Variants in EML4 observed in about 807,000 individuals in gnomAD.
EML4 encodes echinoderm microtubule-associated protein-like 4.
In EML4, 72 loss-of-function variants were observed where a neutral mutation model predicts 129.0. The ratio of observed to expected loss-of-function variants is 0.56; its 90% CI spans 0.46 to 0.68. The LOEUF is 0.68. EML4 is among the 30% of genes least tolerant of loss of function. EML4 has a pLI of 0.00. For synonymous variants in EML4, 532 were observed against 405.0 expected (o/e 1.31, Z -3.77); for missense variants, 1,363 against 1,190.6 (o/e 1.14, Z -2.13).
At chr2:42,184,895 T>A (rs1051433386) in intron 1 of EML4, among the ~76,000 whole-genome samples, 1 of 152,228 alleles carries the variant, frequency 6.6e-6, no homozygotes, top group Non-Finnish European at 1.5e-5. Flanking sequence ...CTAGGTTGAA[T>A]GTATTGCCTT....
chr2:42,173,184 C>G (rs1320293133), intron 1 of EML4, among the ~76,000 whole-genome samples: 1 of 152,194 alleles, frequency 6.6e-6, no homozygotes, highest in Non-Finnish European at 1.5e-5. Flanking sequence ...ACTGTGATTT[C>G]TCATCACAGA....
chr2:42,239,929 A>T (rs1674912214), intron 1 of EML4, among the ~76,000 whole-genome samples: 1 of 152,156 alleles, frequency 6.6e-6, no homozygotes, highest in Middle Eastern at 3.2e-3. Context: ...GAAAAAAAAT[A>T]AGAGCAAAGT....
chr2:42,309,514 C>T (rs1445078488), intron 17 of EML4, among the ~76,000 whole-genome samples: 1 of 151,568 alleles, frequency 6.6e-6, no homozygotes, highest in Non-Finnish European at 1.5e-5. Flanking sequence ...ATGATTCTAC[C>T]AGCAATGTAT....
intron 6 of EML4, among the ~76,000 whole-genome samples, chr2:42,270,046 G>T (rs1417429336): frequency 6.6e-6 from 1 of 152,164 alleles, no homozygotes; most frequent in Non-Finnish European, 1.5e-5. Flanking sequence ...TAAAGGAAAT[G>T]ATTTTAGAAA....
chr2:42,235,125 G>T (rs1232440852), intron 1 of EML4, among the ~76,000 whole-genome samples: 1 of 152,074 alleles, frequency 6.6e-6, no homozygotes, highest in Non-Finnish European at 1.5e-5. Flanking sequence ...GTGAGATCCC[G>T]TCTCTATTAA....
At chr2:42,175,295 A>G (rs1410812677) in intron 1 of EML4, among the ~76,000 whole-genome samples, 3 of 151,090 alleles carry the variant, frequency 2.0e-5, no homozygotes, top group African/African-American at 7.3e-5. Flanking sequence ...TTGTATTTTT[A>G]GTAGAGATGG....
intron 8 of EML4, among the ~76,000 whole-genome samples, chr2:42,284,340 G>A (rs1450190997): frequency 6.6e-6 from 1 of 152,172 alleles, no homozygotes; most frequent in African/African-American, 2.4e-5. Context: ...ATGCCATTGT[G>A]CGTGGACTAG....
intron 19 of EML4, among the ~76,000 whole-genome samples, chr2:42,321,151 A>G (rs1242843139): frequency 2.0e-5 from 2 of 102,542 alleles, no homozygotes; most frequent in African/African-American, 7.6e-5. Context: ...TGGGAGGCCA[A>G]GGCGGGCGGA....
intron 1 of EML4, among the ~76,000 whole-genome samples, chr2:42,227,877 G>T (rs1277387401): frequency 6.6e-6 from 1 of 151,996 alleles, no homozygotes; most frequent in East Asian, 1.9e-4. Flanking sequence ...TATCAGTAAG[G>T]CTTCCGGTCA....
intron 1 of EML4, among the ~76,000 whole-genome samples, chr2:42,195,583 A>T (rs1032553241): frequency 6.6e-6 from 1 of 152,220 alleles, no homozygotes; most frequent in Non-Finnish European, 1.5e-5. Flanking sequence ...GCCAATATAT[A>T]GACCATTCCA....
chr2:42,248,974 T>G (rs1675593521), intron 2 of EML4, among the ~76,000 whole-genome samples: 2 of 152,314 alleles, frequency 1.3e-5, no homozygotes, highest in South Asian at 4.1e-4. Flanking sequence ...TATGTAAAGT[T>G]TCATAATGTT....
chr2:42,283,772 G>C (rs755163009), intron 8 of EML4, among the ~76,000 whole-genome samples: 3 of 152,200 alleles, frequency 2.0e-5, no homozygotes, highest in Admixed American at 1.3e-4. Flanking sequence ...TTGTGATGAA[G>C]ATTAGAAACA....
intron 11 of EML4, chr2:42,288,656 C>G (rs910705429): frequency 6.4e-5 from 10 of 157,424 alleles, no homozygotes; most frequent in Middle Eastern, 2.9e-3. Flanking sequence ...TTCATTCCAT[C>G]TTTAAAGCTT....
chr2:42,297,729 C>T (rs1381941278), intron 13 of EML4, among the ~76,000 whole-genome samples: 1 of 152,206 alleles, frequency 6.6e-6, no homozygotes, highest in African/African-American at 2.4e-5. Flanking sequence ...CATTTCTGCA[C>T]CTGTGGCAGT....
rs1667876622 is a variant in EML4 at position 42,295,246 on chromosome 2, AG to A, written c.1343del (p.Gly448GlufsTer15). 4 of 1,613,206 alleles carry A rather than the reference AG, an allele frequency of 2.5e-6. No homozygotes were observed. The highest frequency in any genetic ancestry group is 3.4e-6 in the Non-Finnish European group (4 of 1,179,752). On this transcript the variant is annotated frameshift_variant, in exon 12 of 23. Coordinates refer to ENST00000318522, the MANE Select transcript of EML4 (RefSeq NM_019063.5). LOFTEE classifies it high-confidence loss of function. ...TWSGNSLTRKQGIFGKYEKPK... is the reference protein window; with the variant it reads ...TWSGNSLTRKXGIFGKYEKPK... ...AGCGGCAATTCACTAACAAGAAAACAGGGAATTTTTGGGGTAAGAATCAGAT... is the reference window on the plus strand; with the variant it reads ...AGCGGCAATTCACTAACAAGAAAACAGGAATTTTTGGGGTAAGAATCAGAT...
intron 1 of EML4, among the ~76,000 whole-genome samples, chr2:42,244,554 CA>C (rs1460460659): frequency 2.6e-5 from 4 of 152,114 alleles, no homozygotes; most frequent in Admixed American, 6.6e-5. Flanking sequence ...ATACCTAAGG[CA>C]AATATTAAGT....
chr2:42,177,705 T>C (rs905907936), intron 1 of EML4, among the ~76,000 whole-genome samples: 1 of 152,200 alleles, frequency 6.6e-6, no homozygotes, highest in Non-Finnish European at 1.5e-5. Context: ...CTAGACTTTA[T>C]TGGGAATCTG....
chr2:42,199,518 TAGAA>T (rs1672094596), intron 1 of EML4, among the ~76,000 whole-genome samples: 1 of 152,190 alleles, frequency 6.6e-6, no homozygotes, highest in Non-Finnish European at 1.5e-5. Context: ...TGTGCTGCAA[TAGAA>T]AGAAGACAGG....
intron 1 of EML4, among the ~76,000 whole-genome samples, chr2:42,244,977 G>A (rs1339004499): frequency 6.6e-6 from 1 of 151,376 alleles, no homozygotes; most frequent in Non-Finnish European, 1.5e-5. Context: ...CCATTTTAAT[G>A]ATTTGTGAAG....
Sources: gnomAD v4.1 joint callset for allele counts (sites outside exome capture counted in the v4.1 genomes callset) on GRCh38, gnomAD v4.1.1 for gene constraint, MANE v1.5 for transcripts, NCBI Gene and HGNC (gene_info 2026-07-23, HGNC 2026-07-21) for gene names.